The following CAST variants were observed in gnomAD, a reference collection of about 807,000 sequenced individuals.
CAST encodes the protein MIR583 host.
Under a neutral mutation model 119.6 loss-of-function variants are expected in CAST, and 76 were observed. The ratio of observed to expected loss-of-function variants is 0.64; its 90% CI spans 0.53 to 0.77. The LOEUF is 0.77. CAST is among the 30% of genes least tolerant of loss of function. The probability of loss-of-function intolerance (pLI) is 0.00; values close to 1 mark genes in which losing one functional copy is unlikely to be tolerated. For synonymous variants in CAST, 319 were observed against 331.6 expected (o/e 0.96, Z 0.41); for missense variants, 953 against 946.5 (o/e 1.01, Z -0.09).
At chr5:96,351,824 G>T in the CAST span, among the ~76,000 whole-genome samples, 1 of 151,868 alleles carries the variant, frequency 6.6e-6, no homozygotes, top group Non-Finnish European at 1.5e-5. Context: ...AGTGCTTAGG[G>T]ATAGAGAAGA....
chr5:96,352,436 T>C, the CAST span, among the ~76,000 whole-genome samples: 3 of 152,116 alleles, frequency 2.0e-5, no homozygotes, highest in African/African-American at 7.2e-5. Flanking sequence ...TGACTAGCAA[T>C]GTACCAGGCA....
At chr5:96,660,306 C>T (rs1209458752), upstream of CAST, among the ~76,000 whole-genome samples, 2 of 152,172 alleles carry the variant, frequency 1.3e-5, no homozygotes, top group African/African-American at 4.8e-5. Flanking sequence ...ACTCCCAAAA[C>T]ACCTTTGTAC....
the CAST span, among the ~76,000 whole-genome samples, chr5:96,377,779 A>G: frequency 4.6e-5 from 7 of 152,188 alleles, no homozygotes; most frequent in African/African-American, 1.7e-4. Context: ...ACTGTATGTT[A>G]GGATGCTTTT....
chr5:96,209,428 T>C, the CAST span, among the ~76,000 whole-genome samples: 2 of 151,972 alleles, frequency 1.3e-5, no homozygotes, highest in Non-Finnish European at 2.9e-5. Context: ...TCTATGAAAT[T>C]AAGTGTGTTT....
At chr5:96,282,606 G>C in the CAST span, among the ~76,000 whole-genome samples, 1 of 151,954 alleles carries the variant, frequency 6.6e-6, no homozygotes, top group Non-Finnish European at 1.5e-5. Context: ...GACTCTTGTA[G>C]GTAAATATTC....
At chr5:96,515,217 G>C in the CAST span, among the ~76,000 whole-genome samples, 1 of 151,976 alleles carries the variant, frequency 6.6e-6, no homozygotes, top group African/African-American at 2.4e-5. Flanking sequence ...CTTTTCAGCT[G>C]ATTTTGTCAA....
At chr5:96,244,388 G>T in the CAST span, among the ~76,000 whole-genome samples, 1 of 152,082 alleles carries the variant, frequency 6.6e-6, no homozygotes, top group Admixed American at 6.6e-5. Flanking sequence ...GTGTTGTATT[G>T]TTCTGGGAAA....
At chr5:96,663,172 T>A (rs979805409) in intron 1 of CAST, 6 of 702,494 alleles carry the variant, frequency 8.5e-6, no homozygotes, top group Non-Finnish European at 1.6e-5. Context: ...AGACGGTAAA[T>A]AGGAGCGGTT....
chr5:96,128,119 C>T, the CAST span, among the ~76,000 whole-genome samples: 1 of 152,028 alleles, frequency 6.6e-6, no homozygotes, highest in Non-Finnish European at 1.5e-5. Flanking sequence ...TGACATAAAC[C>T]TTTCTCATCT....
the CAST span, among the ~76,000 whole-genome samples, chr5:95,975,599 G>T: frequency 6.6e-6 from 1 of 152,138 alleles, no homozygotes; most frequent in Non-Finnish European, 1.5e-5. Flanking sequence ...GTTGAGCTTC[G>T]GGGTTCCAGA....
chr5:96,398,778 A>G, the CAST span: 1 of 993,570 alleles, frequency 1.0e-6, no homozygotes, highest in Non-Finnish European at 1.6e-6. Flanking sequence ...GAAAATATCT[A>G]TTAGGAGACT....
At chr5:96,035,864 G>T in the CAST span, among the ~76,000 whole-genome samples, 1 of 152,060 alleles carries the variant, frequency 6.6e-6, no homozygotes, top group African/African-American at 2.4e-5. Flanking sequence ...TGTGCGCACT[G>T]TGTTTAGGAC....
the CAST span, among the ~76,000 whole-genome samples, chr5:96,004,317 G>A: frequency 6.6e-6 from 1 of 152,154 alleles, no homozygotes; most frequent in Non-Finnish European, 1.5e-5. Context: ...AGCATATCTT[G>A]TTCCTTCAAT....
chr5:96,581,098 T>G (rs1746763046), intron 1 of CAST, among the ~76,000 whole-genome samples: 1 of 152,274 alleles, frequency 6.6e-6, no homozygotes, highest in Non-Finnish European at 1.5e-5. Flanking sequence ...GTTTATAACA[T>G]TTTTTACAGC....
chr5:96,401,086 CAAAAAAA>C, the CAST span, among the ~76,000 whole-genome samples: 28 of 70,544 alleles, frequency 4.0e-4, no homozygotes, highest in African/African-American at 8.3e-4. Flanking sequence ...GACTCCGTCT[CAAAAAAA>C]AAAAAAAAAA....
At chr5:96,051,421 AT>A in the CAST span, among the ~76,000 whole-genome samples, 3 of 152,274 alleles carry the variant, frequency 2.0e-5, no homozygotes, top group African/African-American at 7.2e-5. Context: ...TCAAATAAAA[AT>A]ATCTTTAAAA....
chr5:96,641,152 C>G (rs1747944211), intron 1 of CAST, among the ~76,000 whole-genome samples: 1 of 152,092 alleles, frequency 6.6e-6, no homozygotes, highest in African/African-American at 2.4e-5. Flanking sequence ...CACAGAGCAG[C>G]CATGCTATTA....
chr5:96,241,118 T>C, the CAST span, among the ~76,000 whole-genome samples: 3 of 151,944 alleles, frequency 2.0e-5, no homozygotes, highest in African/African-American at 7.3e-5. Context: ...ATGTGCAGGT[T>C]AGTTACATAT....
Position 96,534,714 on chromosome 5 carries a change from G to GA in CAST, c.60+4834_60+4835insA, listed in dbSNP as rs1745752048. Among the ~76,000 whole-genome samples the GA allele has an allele frequency of 9.3e-4, 13 of 13,994 alleles. 1 individual carries two copies. Among genetic ancestry groups the GA allele is most frequent in the Admixed American group, 4.4e-3 (4 of 900 alleles). 9.2% of individuals were successfully genotyped at this position (13,994 alleles called of 152,430 possible). A position where few individuals can be genotyped will look rare whatever the true frequency, so the allele number is the denominator to read the frequency against. On this transcript the variant is annotated intron_variant, in intron 1 of 11. Coordinates refer to the CAST transcript ENST00000505143. ...AGGAAGGAAGGAAGGAAGGAAGGAAGGAGAGAGAGAGAGAGAGAGAGAGAG... is the reference window on the plus strand; with the variant it reads ...AGGAAGGAAGGAAGGAAGGAAGGAAGAGAGAGAGAGAGAGAGAGAGAGAGAG...
Sources: gnomAD v4.1 joint callset for allele counts (sites outside exome capture counted in the v4.1 genomes callset) on GRCh38, gnomAD v4.1.1 for gene constraint, MANE v1.5 for transcripts, NCBI Gene and HGNC (gene_info 2026-07-23, HGNC 2026-07-21) for gene names.